The following GABRB3 variants were observed in gnomAD, a reference collection of about 807,000 sequenced individuals.
GABRB3 encodes gamma-aminobutyric acid type A receptor subunit beta3, also known as gamma-aminobutyric acid receptor subunit beta-3.
In GABRB3, 14 loss-of-function variants were observed where a neutral mutation model predicts 52.1. The ratio of observed to expected loss-of-function variants is 0.27; its 90% CI spans 0.18 to 0.42. The LOEUF (loss-of-function observed/expected upper bound fraction) is 0.42. GABRB3 is among the 10% of genes least tolerant of loss of function. GABRB3 has a pLI of 1.00. For synonymous variants in GABRB3, 260 were observed against 232.3 expected, an observed-to-expected ratio of 1.12 and a Z score of -1.08; for missense variants, 307 against 609.1, an observed-to-expected ratio of 0.50 and a Z score of 5.22.
intron 6 of GABRB3, among the ~76,000 whole-genome samples, chr15:26,578,196 G>A (rs1325412198): frequency 6.6e-6 from 1 of 152,126 alleles, no homozygotes; most frequent in East Asian, 1.9e-4. Context: ...AAATAAATTA[G>A]GATAACATTT....
At chr15:26,551,186 T>C (rs1172878385) in intron 8 of GABRB3, among the ~76,000 whole-genome samples, 4 of 152,200 alleles carry the variant, frequency 2.6e-5, no homozygotes, top group African/African-American at 4.8e-5. Context: ...TTTTGTTTTT[T>C]GTATGTCATG....
At chr15:26,758,266 T>C (rs1405292152) in intron 3 of GABRB3, among the ~76,000 whole-genome samples, 2 of 152,222 alleles carry the variant, frequency 1.3e-5, no homozygotes, top group African/African-American at 4.8e-5. Context: ...CATTATTGCA[T>C]AATCAAATAT....
intron 3 of GABRB3, chr15:26,624,243 C>G (rs367894548): frequency 1.0e-6 from 1 of 985,574 alleles, no homozygotes; most frequent in Admixed American, 6.1e-5. Flanking sequence ...GGAACTGAGG[C>G]GTGCAAAGTT....
chr15:26,606,789 TATAG>T (rs1555370507), intron 4 of GABRB3, among the ~76,000 whole-genome samples: 1 of 122,872 alleles, frequency 8.1e-6, no homozygotes, highest in African/African-American at 3.2e-5. Context: ...TAGATATATC[TATAG>T]ATAGATATAT....
chr15:26,559,787 T>C lies in GABRB3; in HGVS notation c.1080+1145A>G, dbSNP rs74006294. 2.8e-3 allele frequency among the ~76,000 whole-genome samples: 429 copies of C among 152,286 alleles called. 1 individual carries two copies. The highest frequency in any genetic ancestry group is 9.7e-3 in the African/African-American group (402 of 41,576). On this transcript the variant is annotated intron_variant, in intron 8 of 8. Coordinates refer to ENST00000311550, the MANE Select transcript of GABRB3 (RefSeq NM_000814.6). ...GTGTGCAAGGGCTTTAGAAAGTTCA[T>C]GGACTTCATAAAACAAAGTGTCTAG...
chr15:26,582,735 A>G (rs1381545062), intron 5 of GABRB3, among the ~76,000 whole-genome samples: 1 of 152,204 alleles, frequency 6.6e-6, no homozygotes, highest in East Asian at 1.9e-4. Flanking sequence ...TCCAATTGAG[A>G]CTAGTTATAA....
chr15:26,578,694 T>C (rs1890680627), intron 6 of GABRB3, among the ~76,000 whole-genome samples: 1 of 152,212 alleles, frequency 6.6e-6, no homozygotes, highest in Non-Finnish European at 1.5e-5. Context: ...CTCATGGCCA[T>C]TTCTGCAACT....
chr15:26,692,416 C>T (rs1399047608), intron 3 of GABRB3, among the ~76,000 whole-genome samples: 1 of 152,070 alleles, frequency 6.6e-6, no homozygotes, highest in East Asian at 1.9e-4. Context: ...TTGAACATCA[C>T]AAAGATCTCC....
rs1889234660 is a variant in GABRB3 at position 26,546,227 on chromosome 15, A to C, written c.*1566T>G. 1 of 152,520 alleles carries C rather than the reference A, an allele frequency of 6.6e-6. No homozygotes were observed. Among genetic ancestry groups the C allele is most frequent in the Non-Finnish European group, 1.5e-5 (1 of 68,014 alleles). 9.4% of individuals were successfully genotyped at this position (152,520 alleles called of 1,614,324 possible). A position where few individuals can be genotyped will look rare whatever the true frequency, so the allele number is the denominator to read the frequency against. On this transcript the variant is annotated 3_prime_UTR_variant, in exon 9 of 9. Transcript: ENST00000311550. ...TCCAAATGCTCAACTTCACTGTGACACCTGTTTGCACAACTGTAGTCATTT... is the reference window on the plus strand; with the variant it reads ...TCCAAATGCTCAACTTCACTGTGACCCCTGTTTGCACAACTGTAGTCATTT...
At chr15:26,635,072 A>C (rs1893021312) in intron 3 of GABRB3, among the ~76,000 whole-genome samples, 1 of 145,316 alleles carries the variant, frequency 6.9e-6, no homozygotes, top group African/African-American at 2.5e-5. Flanking sequence ...ATGTGTACTA[A>C]TCAAAGCCAT....
chr15:26,592,179 G>A (rs971619731), intron 4 of GABRB3, among the ~76,000 whole-genome samples: 6 of 152,158 alleles, frequency 3.9e-5, no homozygotes, highest in African/African-American at 7.2e-5. Context: ...AAGTGTGTCT[G>A]ATTTCAAGGT....
intron 6 of GABRB3, 23 bp downstream of exon 6, chr15:26,580,296 C>T (rs1448764037): frequency 6.2e-7 from 1 of 1,614,092 alleles, no homozygotes; most frequent in Non-Finnish European, 8.5e-7. Context: ...CCTGAAGGGA[C>T]TATAAGTGGA....
At chr15:26,766,174 T>G (rs1404358635) in intron 3 of GABRB3, among the ~76,000 whole-genome samples, 1 of 152,230 alleles carries the variant, frequency 6.6e-6, no homozygotes, top group Non-Finnish European at 1.5e-5. Context: ...ATTTCAAATG[T>G]CTGATAGGCT....
chr15:26,704,018 C>G (rs1387056514), intron 3 of GABRB3, among the ~76,000 whole-genome samples: 1 of 152,220 alleles, frequency 6.6e-6, no homozygotes, highest in Non-Finnish European at 1.5e-5. Context: ...CTAGGTAATG[C>G]GTTATGGAGG....
intron 3 of GABRB3, among the ~76,000 whole-genome samples, chr15:26,699,471 C>T (rs1318404170): frequency 1.3e-5 from 2 of 150,366 alleles, no homozygotes; most frequent in Non-Finnish European, 3.0e-5. Context: ...ACCCAGAATA[C>T]GGAAGTACAT....
In GABRB3 at chr15:26,772,701, C is replaced by A; in HGVS notation, c.152G>T (p.Arg51Leu). Residue 51 changes from arginine (R) to leucine (L), a missense_variant, in exon 2 of 9, where the codon CGC becomes CTC. Physicochemically the swap from Arg to Leu is moderately radical, Grantham distance 102. Coordinates refer to ENST00000311550, the MANE Select transcript of GABRB3 (RefSeq NM_000814.6). The stretch of plus-strand genomic sequence containing the variant: ...CTTACCCCCGAAGTCGGGTCTTAGG[C>A]GAATGTCGTAGCCTTTCAACAGCTT... The part of the protein sequence containing the change: ...VDKLLKGYDI[R>L]LRPDFGGPPV... 1 of 1,578,494 alleles carries A rather than the reference C, an allele frequency of 6.3e-7. No homozygotes were observed. Among genetic ancestry groups the A allele is most frequent in the East Asian group, 2.4e-5 (1 of 40,878 alleles).
chr15:26,662,680 C>T (rs1447557636), intron 3 of GABRB3, among the ~76,000 whole-genome samples: 3 of 152,068 alleles, frequency 2.0e-5, no homozygotes, highest in African/African-American at 7.2e-5. Context: ...AGAGAAAGGC[C>T]CTCACTTCTA....
chr15:26,575,734 GA>G, intron 6 of GABRB3, among the ~76,000 whole-genome samples: 1 of 151,908 alleles, frequency 6.6e-6, no homozygotes, highest in Non-Finnish European at 1.5e-5. Context: ...ACTGATTTTT[GA>G]AAAAAAGAAA....
At chr15:26,617,359 T>C (rs1035872105) in intron 4 of GABRB3, among the ~76,000 whole-genome samples, 17 of 152,180 alleles carry the variant, frequency 1.1e-4, no homozygotes, top group African/African-American at 2.4e-4. Context: ...GCTGGTTCAA[T>C]ATATGCAAAT....
Sources: gnomAD v4.1 joint callset for allele counts (sites outside exome capture counted in the v4.1 genomes callset) on GRCh38, gnomAD v4.1.1 for gene constraint, MANE v1.5 for transcripts, NCBI Gene and HGNC (gene_info 2026-07-23, HGNC 2026-07-21) for gene names.